IL2RA: variants seen among roughly 807,000 people sequenced by gnomAD.
IL2RA encodes the protein interleukin-2 receptor subunit alpha.
A neutral mutation model predicts 37.8 loss-of-function variants in IL2RA; 24 were observed. The observed-to-expected ratio is 0.63, with a 90% CI of 0.46 to 0.89. The LOEUF (loss-of-function observed/expected upper bound fraction) is 0.89, where lower values mean the gene tolerates loss of function less well. IL2RA is among the 40% of genes least tolerant of loss of function. The pLI is 0.00. For missense variants in IL2RA, 319 were observed against 348.6 expected (o/e 0.92, Z 0.68); for synonymous variants, 125 against 114.6 (o/e 1.09, Z -0.58).
intron 1 of IL2RA, among the ~76,000 whole-genome samples, chr10:6,061,068 A>C (rs560403216): frequency 6.6e-6 from 1 of 152,330 alleles, no homozygotes; most frequent in Non-Finnish European, 1.5e-5. Context: ...GGTTTGAGGT[A>C]GAAGTTGGTG....
At chr10:6,016,320 A>G (rs1162120068) in intron 7 of IL2RA, among the ~76,000 whole-genome samples, 1 of 152,166 alleles carries the variant, frequency 6.6e-6, no homozygotes, top group Non-Finnish European at 1.5e-5. Flanking sequence ...CAGACTTCCC[A>G]GCCTCCAGAA....
intron 1 of IL2RA, among the ~76,000 whole-genome samples, chr10:6,052,418 C>T (rs1034743123): frequency 6.6e-6 from 1 of 152,208 alleles, no homozygotes; most frequent in African/African-American, 2.4e-5. Context: ...ATCTCTGTGT[C>T]TCAAACCCTG....
chr10:6,039,053 T>A (rs1448797952), intron 1 of IL2RA, among the ~76,000 whole-genome samples: 1 of 152,190 alleles, frequency 6.6e-6, no homozygotes, highest in Non-Finnish European at 1.5e-5. Context: ...CATATATTTT[T>A]AAAAATATGC....
Position 6,014,331 on chromosome 10 carries a change from T to C in IL2RA, c.795-1435A>G, listed in dbSNP as rs12722596. The stretch of plus-strand genomic sequence containing the variant: ...TTCGGTAATTCAAATGCAGCATTTC[T>C]GTTGCCACAAGAGGGCACCATGGGT... On this transcript the variant is annotated intron_variant, in intron 7 of 7. Coordinates refer to ENST00000379959, the MANE Select transcript of IL2RA (RefSeq NM_000417.3). The surrounding 1 kb of genome is among the most constrained non-coding windows in gnomAD (Gnocchi z 4.4). Among the ~76,000 whole-genome samples the C allele has an allele frequency of 0.076, 11,550 of 152,228 alleles. 596 individuals carry two copies. The highest frequency in any genetic ancestry group is 0.17 in the South Asian group (818 of 4,822).
At position 6,011,244 on chromosome 10, in the gene IL2RA, G is replaced by C. The variant is rs1159097022; in HGVS notation, c.*1628C>G. The C allele has an allele frequency of 1.3e-5, 2 of 152,318 alleles. No individual in the cohort carries two copies. The highest frequency in any genetic ancestry group is 2.9e-5 in the Non-Finnish European group (2 of 68,034). 9.4% of individuals were successfully genotyped at this position (152,318 alleles called of 1,614,324 possible). The stretch of plus-strand genomic sequence containing the variant: ...ATTCGTGAGGGGAGATCTTGCACCA[G>C]ATATGGAACCAGGACTTCCACCGAA... On this transcript the variant is annotated 3_prime_UTR_variant, in exon 8 of 8. Transcript: ENST00000379959. The surrounding 1 kb of genome is among the most constrained non-coding windows in gnomAD (Gnocchi z 5.2).
intron 1 of IL2RA, among the ~76,000 whole-genome samples, chr10:6,051,495 A>C (rs1839955234): frequency 1.3e-5 from 1 of 78,528 alleles, no homozygotes; most frequent in Non-Finnish European, 2.8e-5. Flanking sequence ...ATACACACAA[A>C]TATATATATA....
Position 6,046,932 on chromosome 10 carries a change from C to G in IL2RA, c.64+15156G>C, listed in dbSNP as rs1398546518. On this transcript the variant is annotated intron_variant, in intron 1 of 7. Transcript: ENST00000379959. The surrounding 1 kb of genome is among the most constrained non-coding windows in gnomAD (Gnocchi z 4.8). ...AGGACATGGGAACTTAAGATGCAGG[C>G]AGGGATCCCATGTCCTACTGGAAGG... Among the ~76,000 whole-genome samples the G allele has an allele frequency of 6.6e-6, 1 of 152,166 alleles. No individual in the cohort carries two copies.
rs1564551395 is a variant in IL2RA, at chr10:6,048,324, T to C, written c.64+13764A>G. On this transcript the variant is annotated intron_variant, in intron 1 of 7. Coordinates refer to ENST00000379959, the MANE Select transcript of IL2RA (RefSeq NM_000417.3). This position sits in a 1 kb window ranked among gnomAD's most constrained non-coding sequence, Gnocchi z 5.3. The stretch of plus-strand genomic sequence containing the variant: ...AAATGAGGATTTTGCCCAGATTTCC[T>C]GGGCGATGGGGAGGATGGGGTGCCA... Among the ~76,000 whole-genome samples, 1 of 152,224 alleles carries C rather than the reference T, an allele frequency of 6.6e-6. No individual in the cohort carries two copies. Among genetic ancestry groups the C allele is most frequent in the African/African-American group, 2.4e-5 (1 of 41,460 alleles).
intron 1 of IL2RA, among the ~76,000 whole-genome samples, chr10:6,059,163 G>A (rs988955449): frequency 6.6e-6 from 1 of 152,152 alleles, no homozygotes; most frequent in Non-Finnish European, 1.5e-5. Flanking sequence ...ATTGTCTTTG[G>A]CCACTGGGTC....
chr10:6,054,344 G>A lies in IL2RA; in HGVS notation c.64+7744C>T, dbSNP rs1436621356. Among the ~76,000 whole-genome samples, 5 of 152,146 alleles carry A rather than the reference G, an allele frequency of 3.3e-5. No homozygotes were observed. Among genetic ancestry groups the A allele is most frequent in the Non-Finnish European group, 7.4e-5 (5 of 68,018 alleles). ...GGAAACAAGACCCAGGAACTCTTTG[G>A]CTGCCATCCAGGGTCATGTGGTGCT... On this transcript the variant is annotated intron_variant, in intron 1 of 7. Transcript: ENST00000379959. This position sits in a 1 kb window ranked among gnomAD's most constrained non-coding sequence, Gnocchi z 4.5.
rs906575040 is a variant in IL2RA at position 6,018,769 on chromosome 10, G to T, written c.728-650C>A. Among the ~76,000 whole-genome samples, 3 of 152,112 alleles carry T rather than the reference G, an allele frequency of 2.0e-5. No homozygotes were observed. Among genetic ancestry groups the T allele is most frequent in the African/African-American group, 7.2e-5 (3 of 41,412 alleles). On this transcript the variant is annotated intron_variant, in intron 6 of 7. Coordinates refer to ENST00000379959, the MANE Select transcript of IL2RA (RefSeq NM_000417.3). The surrounding 1 kb of genome is among the most constrained non-coding windows in gnomAD (Gnocchi z 5.1). Reference sequence around the variant, plus strand: ...CTGGTTCATGCGAATTCTGAGTTACGTCAGTATCTGGATTAGTCTTTCACT... The same window carrying T: ...CTGGTTCATGCGAATTCTGAGTTACTTCAGTATCTGGATTAGTCTTTCACT...
chr10:6,026,855 C>T (rs1484530047), intron 1 of IL2RA, among the ~76,000 whole-genome samples: 2 of 152,246 alleles, frequency 1.3e-5, no homozygotes, highest in East Asian at 1.9e-4. Flanking sequence ...GAAGCCCACA[C>T]GGAGGCTGAT....
chr10:6,057,073 T>C lies in IL2RA; in HGVS notation c.64+5015A>G, dbSNP rs1043544769. Reference sequence around the variant, plus strand: ...TGATAGCCCCATGCTCAGTAGATCTTACCACATATGACTTGTGTTACCATG... The same window carrying C: ...TGATAGCCCCATGCTCAGTAGATCTCACCACATATGACTTGTGTTACCATG... On this transcript the variant is annotated intron_variant, in intron 1 of 7. Coordinates refer to ENST00000379959, the MANE Select transcript of IL2RA (RefSeq NM_000417.3). The surrounding 1 kb of genome is among the most constrained non-coding windows in gnomAD (Gnocchi z 4.8). Among the ~76,000 whole-genome samples, 7 of 152,226 alleles carry C rather than the reference T, an allele frequency of 4.6e-5. No individual in the cohort carries two copies. Among genetic ancestry groups the C allele is most frequent in the Non-Finnish European group, 1.0e-4 (7 of 68,028 alleles).
rs1564551086 is a variant in IL2RA, at chr10:6,047,466, C to T, written c.64+14622G>A. On this transcript the variant is annotated intron_variant, in intron 1 of 7. Coordinates refer to ENST00000379959, the MANE Select transcript of IL2RA (RefSeq NM_000417.3). This position sits in a 1 kb window ranked among gnomAD's most constrained non-coding sequence, Gnocchi z 5.0. Reference sequence around the variant, plus strand: ...GCCTGTAGCATGCACCCTGTGCCTCCGGGCCACCAAAAACAGCAATCACGT... The same window carrying T: ...GCCTGTAGCATGCACCCTGTGCCTCTGGGCCACCAAAAACAGCAATCACGT... Among the ~76,000 whole-genome samples the T allele has an allele frequency of 1.3e-5, 2 of 152,152 alleles. No homozygotes were observed. Among genetic ancestry groups the T allele is most frequent in the Admixed American group, 6.5e-5 (1 of 15,274 alleles).
chr10:6,035,425 C>T lies in IL2RA; in HGVS notation c.65-9400G>A, dbSNP rs1189351333. On this transcript the variant is annotated intron_variant, in intron 1 of 7. Coordinates refer to ENST00000379959, the MANE Select transcript of IL2RA (RefSeq NM_000417.3). The surrounding 1 kb of genome is among the most constrained non-coding windows in gnomAD (Gnocchi z 5.4). ...GGCAGGACGGAGCTGCTCTTGCACACGGTTTCGTGGGCTGGATTTTCTCTG... is the reference window on the plus strand; with the variant it reads ...GGCAGGACGGAGCTGCTCTTGCACATGGTTTCGTGGGCTGGATTTTCTCTG... Among the ~76,000 whole-genome samples the T allele has an allele frequency of 2.0e-5, 3 of 152,188 alleles. No homozygotes were observed. The highest frequency in any genetic ancestry group is 1.9e-4 in the East Asian group (1 of 5,202).
rs1035502441 is a variant in IL2RA, at chr10:6,021,428, G to A, written c.583+50C>T. The A allele has an allele frequency of 1.3e-6, 2 of 1,489,160 alleles. No individual in the cohort carries two copies. The highest frequency in any genetic ancestry group is 3.3e-5 in the Admixed American group (2 of 59,850). The allele number at this position is 1,489,160 out of a possible 1,614,324, so 92.2% of individuals were successfully genotyped here. A position where few individuals can be genotyped will look rare whatever the true frequency, so the allele number is the denominator to read the frequency against. ...GTGGTCAGGGATTCCACTCTGGTCA[G>A]CCTGATGGAGCAAAGCAACATTGTG... is the stretch of plus-strand genomic sequence containing the variant. On this transcript the variant is annotated intron_variant, in intron 4 of 7. Transcript: ENST00000379959. This position sits in a 1 kb window ranked among gnomAD's most constrained non-coding sequence, Gnocchi z 4.9.
chr10:6,032,692 CA>C (rs59428144), intron 1 of IL2RA, among the ~76,000 whole-genome samples: 103,632 of 112,706 alleles, frequency 0.92, 47,474 homozygotes, highest in Middle Eastern at 0.97. Flanking sequence ...GACTCCATCT[CA>C]AAAAAAAAAA....
chr10:6,030,134 C>T (rs781245879), intron 1 of IL2RA, among the ~76,000 whole-genome samples: 14 of 152,084 alleles, frequency 9.2e-5, no homozygotes, highest in Non-Finnish European at 1.8e-4. Flanking sequence ...AAGAATGGAC[C>T]TTTGGCATGC....
At chr10:6,052,331 CCTT>C (rs1296494724) in intron 1 of IL2RA, among the ~76,000 whole-genome samples, 2 of 152,140 alleles carry the variant, frequency 1.3e-5, no homozygotes, top group East Asian at 1.9e-4. Flanking sequence ...TCCATCGACT[CCTT>C]CTTTAAACTT....
Sources: allele counts gnomAD v4.1 joint callset (sites outside exome capture counted in the v4.1 genomes callset), GRCh38; gene constraint gnomAD v4.1.1; non-coding constraint Gnocchi (gnomAD v3.1); transcripts MANE v1.5; gene names NCBI Gene and HGNC (gene_info 2026-07-23, HGNC 2026-07-21).